Variants in ZBED4 observed in about 807,000 individuals in gnomAD.
ZBED4 encodes zinc finger BED domain-containing protein 4.
In ZBED4, 4 loss-of-function variants were observed where a neutral mutation model predicts 15.5. The ratio of observed to expected loss-of-function variants is 0.26; its 90% confidence interval spans 0.13 to 0.59. The LOEUF is 0.59. Ranked by LOEUF, ZBED4 falls within the 20% of genes least tolerant of loss-of-function variation. The pLI, the probability that ZBED4 is intolerant of heterozygous loss-of-function variation, is 0.90. For synonymous variants in ZBED4, 692 were observed against 608.5 expected (o/e 1.14, Z -2.02); for missense variants, 1,323 against 1,461.8 (o/e 0.91, Z 1.55).
chr22:49,882,576 G>A (rs2060414949), intron 1 of ZBED4, among the ~76,000 whole-genome samples: 1 of 152,176 alleles, frequency 6.6e-6, no homozygotes, highest in East Asian at 1.9e-4. Context: ...TCCGAGCTTC[G>A]GCTCAGTTAC....
At chr22:49,878,860 G>A (rs2060392009) in intron 1 of ZBED4, among the ~76,000 whole-genome samples, 1 of 151,868 alleles carries the variant, frequency 6.6e-6, no homozygotes, top group Non-Finnish European at 1.5e-5. Context: ...TGAGCCGGGA[G>A]TGGGCCAGGC....
At chr22:49,866,596 T>C (rs1483195126) in intron 1 of ZBED4, among the ~76,000 whole-genome samples, 1 of 152,222 alleles carries the variant, frequency 6.6e-6, no homozygotes, top group Non-Finnish European at 1.5e-5. Context: ...TCTTAATTTC[T>C]TTAGTTTCTT....
intron 1 of ZBED4, among the ~76,000 whole-genome samples, chr22:49,869,134 A>AAG (rs2060334577): frequency 6.6e-6 from 1 of 151,784 alleles, no homozygotes; most frequent in African/African-American, 2.4e-5. Flanking sequence ...AAAAAAAAAA[A>AAG]AAAGAAAAAT....
At position 49,885,106 on chromosome 22, in the gene ZBED4, T is replaced by A; in HGVS notation, c.1444T>A (p.Cys482Ser). 1 of 1,613,952 alleles carries A rather than the reference T, an allele frequency of 6.2e-7. No homozygotes were observed. The highest frequency in any genetic ancestry group is 1.7e-5 in the Admixed American group (1 of 60,016). Residue 482 changes from cysteine (C) to serine (S), a missense_variant, in exon 2 of 2, where the codon TGT becomes AGT. Physicochemically the swap from Cys to Ser is moderately radical, Grantham distance 112. Transcript: ENST00000216268. ...SLKAECRYCGCAISRGKKGDV... is the reference protein window; with the variant it reads ...SLKAECRYCGSAISRGKKGDV... The stretch of plus-strand genomic sequence containing the variant: ...CAAGGCCGAGTGTCGGTACTGCGGC[T>A]GTGCCATCAGCCGGGGGAAGAAGGG...
At position 49,864,839 on chromosome 22, in the gene ZBED4, A is replaced by AAAAAAAAAAAAAAAG. The variant is rs1555922729; in HGVS notation, c.-330+10850_-330+10851insAAAAAAAAAAAAAAG. 1.5e-5 allele frequency among the ~76,000 whole-genome samples: 2 copies of AAAAAAAAAAAAAAAG among 133,112 alleles called. 1 individual carries two copies. Among genetic ancestry groups the AAAAAAAAAAAAAAAG allele is most frequent in the African/African-American group, 7.3e-5 (2 of 27,326 alleles). 87.3% of individuals were successfully genotyped at this position (133,112 alleles called of 152,430 possible). On this transcript the variant is annotated intron_variant, in intron 1 of 1. Transcript: ENST00000216268. ...TGTCTCCAAAAAAAAAAAAAAAAAA[A>AAAAAAAAAAAAAAAG]GCCCTGATTAAACCGTCGTAGAGCT... is the stretch of plus-strand genomic sequence containing the variant.
intron 1 of ZBED4, among the ~76,000 whole-genome samples, chr22:49,873,065 A>G (rs956756673): frequency 4.6e-5 from 7 of 152,178 alleles, no homozygotes; most frequent in Admixed American, 4.6e-4. Flanking sequence ...TCCTGAGCTC[A>G]TGCAGTCCAC....
intron 1 of ZBED4, among the ~76,000 whole-genome samples, chr22:49,863,952 C>A (rs532287093): frequency 2.0e-5 from 3 of 152,214 alleles, no homozygotes; most frequent in African/African-American, 4.8e-5. Flanking sequence ...CTTTTGACAT[C>A]ATTCCTGAAC....
intron 1 of ZBED4, among the ~76,000 whole-genome samples, chr22:49,862,384 G>A (rs890399001): frequency 6.6e-6 from 1 of 152,256 alleles, no homozygotes; most frequent in Non-Finnish European, 1.5e-5. Flanking sequence ...GACTACGGGC[G>A]TAAGCCACTG....
chr22:49,878,994 A>T (rs1190921670), intron 1 of ZBED4, among the ~76,000 whole-genome samples: 1 of 151,404 alleles, frequency 6.6e-6, no homozygotes, highest in African/African-American at 2.4e-5. Context: ...AATACAAAAA[A>T]ATTAGCCGGG....
intron 1 of ZBED4, among the ~76,000 whole-genome samples, chr22:49,865,769 T>C (rs1435674772): frequency 6.6e-6 from 1 of 152,168 alleles, no homozygotes; most frequent in Non-Finnish European, 1.5e-5. Context: ...TGGAACAAGA[T>C]GTCTTGACTT....
At chr22:49,862,628 G>A (rs974058980) in intron 1 of ZBED4, among the ~76,000 whole-genome samples, 1 of 149,724 alleles carries the variant, frequency 6.7e-6, no homozygotes. Context: ...TGTTACAGCA[G>A]CTACTTCCTT....
chr22:49,884,565 C>T lies in ZBED4; in HGVS notation c.903C>T (p.Asn301=), dbSNP rs1204821098. ...WKHFYLSPLD[N]SKAVCIHCMN... ...ACTTCTACCTGTCGCCACTGGACAA[C>T]TCCAAAGCTGTCTGCATTCACTGCA... is the stretch of plus-strand genomic sequence containing the variant. The change falls in exon 2 of 2, where the codon AAC becomes AAT. Residue 301 remains asparagine, a synonymous_variant. Transcript: ENST00000216268. 1.2e-6 allele frequency: 2 copies of T among 1,613,018 alleles called. No homozygotes were observed. Among genetic ancestry groups the T allele is most frequent in the Non-Finnish European group, 1.7e-6 (2 of 1,179,432 alleles).
chr22:49,885,198 G>T lies in ZBED4; in HGVS notation c.1536G>T (p.Gln512His), dbSNP rs2060431362. The change falls in exon 2 of 2, where the codon CAG (glutamine) becomes CAT (histidine). Residue 512 changes from glutamine (Q) to histidine (H), a missense_variant. By Grantham distance (24) the Gln-to-His change is conservative (BLOSUM62 0). Transcript: ENST00000216268. ...YRRHPEVVGS[Q>H]KGFLGASLAN... ...GCCATCCAGAAGTTGTCGGGAGCCAGAAGGGCTTCCTGGGTGCAAGTCTGG... is the reference window on the plus strand; with the variant it reads ...GCCATCCAGAAGTTGTCGGGAGCCATAAGGGCTTCCTGGGTGCAAGTCTGG... 1 of 1,613,964 alleles carries T rather than the reference G, an allele frequency of 6.2e-7. No homozygotes were observed.
intron 1 of ZBED4, among the ~76,000 whole-genome samples, chr22:49,861,941 C>T (rs1261884411): frequency 6.6e-6 from 1 of 152,106 alleles, no homozygotes; most frequent in African/African-American, 2.4e-5. Flanking sequence ...TGAGTGCTTC[C>T]AAGTTCCCCC....
chr22:49,861,610 A>G (rs1029894159), intron 1 of ZBED4, among the ~76,000 whole-genome samples: 2 of 151,772 alleles, frequency 1.3e-5, no homozygotes, highest in Non-Finnish European at 2.9e-5. Context: ...TTTTTTTCAA[A>G]TTTTTTGTAG....
chr22:49,860,863 C>T (rs1040683858), intron 1 of ZBED4, among the ~76,000 whole-genome samples: 6 of 151,270 alleles, frequency 4.0e-5, no homozygotes, highest in African/African-American at 1.5e-4. Flanking sequence ...ACTGCATCCT[C>T]GGCCTTCCGG....
chr22:49,854,005 C>T lies in ZBED4; in HGVS notation c.-330+16C>T, dbSNP rs1285695604. 6.9e-6 allele frequency: 1 copy of T among 145,348 alleles called. No individual in the cohort carries two copies. Among genetic ancestry groups the T allele is most frequent in the Non-Finnish European group, 1.5e-5 (1 of 65,446 alleles). The allele number at this position is 145,348 out of a possible 1,614,324, so 9.0% of individuals were successfully genotyped here. ...CCGGGCCGAGGTGAGTGCGCGGGCGCCGCCGCCCCGCCGCCTGCCGCGAGC... is the reference window on the plus strand; with the variant it reads ...CCGGGCCGAGGTGAGTGCGCGGGCGTCGCCGCCCCGCCGCCTGCCGCGAGC... On this transcript the variant is annotated intron_variant, in intron 1 of 1. Transcript: ENST00000216268.
Position 49,884,989 on chromosome 22 carries a change from T to C in ZBED4, c.1327T>C (p.Ser443Pro), listed in dbSNP as rs969381349. 1 of 1,613,470 alleles carries C rather than the reference T, an allele frequency of 6.2e-7. No individual in the cohort carries two copies. The highest frequency in any genetic ancestry group is 1.3e-5 in the African/African-American group (1 of 74,924). The change falls in exon 2 of 2, where the codon TCT (serine) becomes CCT (proline). Residue 443 changes from serine (S) to proline (P), a missense_variant. By Grantham distance (74) the Ser-to-Pro change is moderately conservative. Around this residue, in one of 6 missense-constraint regions of ZBED4, gnomAD observed 429 missense variants for 397.9 expected, o/e 1.08. Coordinates refer to ENST00000216268, the MANE Select transcript of ZBED4 (RefSeq NM_014838.3). ...TGGGCTGAGTCCTAGATTGTTTGAA[T>C]CTGGCGCCATCTTCCAGCAGAATAA... ...ADGLSPRLFE[S>P]GAIFQQNKKV...
chr22:49,881,907 C>A (rs1042692023), intron 1 of ZBED4, among the ~76,000 whole-genome samples: 3 of 152,132 alleles, frequency 2.0e-5, no homozygotes, highest in African/African-American at 7.2e-5. Flanking sequence ...TCAGAAAGAA[C>A]CTGCATTTAT....
Sources: gnomAD v4.1 joint callset for allele counts (sites outside exome capture counted in the v4.1 genomes callset) on GRCh38, gnomAD v4.1.1 for gene constraint, gnomAD v4.1.1 regional missense constraint, MANE v1.5 for transcripts, NCBI Gene and HGNC (gene_info 2026-07-23, HGNC 2026-07-21) for gene names.